The following MTHFD2L variants were observed in gnomAD, a reference collection of about 807,000 sequenced individuals.
The protein encoded by MTHFD2L is bifunctional methylenetetrahydrofolate dehydrogenase/cyclohydrolase 2, mitochondrial.
Under a neutral mutation model 34.9 loss-of-function variants are expected in MTHFD2L, and 29 were observed. That is an observed-to-expected ratio of 0.83 (90% CI 0.62 to 1.13). The LOEUF is 1.13. Among genes scored for constraint, MTHFD2L ranks in the 50% most tolerant of loss-of-function variants. The pLI is 0.00. For synonymous variants in MTHFD2L, 167 were observed against 155.7 expected, an observed-to-expected ratio of 1.07 and a Z score of -0.54; for missense variants, 481 against 446.5, an observed-to-expected ratio of 1.08 and a Z score of -0.70.
At chr4:74,227,997 C>G (rs1444978749) in intron 6 of MTHFD2L, among the ~76,000 whole-genome samples, 2 of 152,092 alleles carry the variant, frequency 1.3e-5, no homozygotes, top group Admixed American at 6.6e-5. Context: ...AGAACATATA[C>G]ATGACTGCAG....
intron 7 of MTHFD2L, among the ~76,000 whole-genome samples, chr4:74,295,145 C>T (rs1018779597): frequency 1.3e-5 from 2 of 152,094 alleles, no homozygotes; most frequent in African/African-American, 4.8e-5. Context: ...GCTACCATCA[C>T]CCAACCTCAG....
chr4:74,256,265 A>G (rs1324906767), intron 6 of MTHFD2L, among the ~76,000 whole-genome samples: 1 of 152,022 alleles, frequency 6.6e-6, no homozygotes, highest in Admixed American at 6.6e-5. Flanking sequence ...GCATGCCACC[A>G]CACCCAGCTA....
At chr4:74,120,128 G>A (rs1721728486), upstream of MTHFD2L, among the ~76,000 whole-genome samples, 1 of 152,228 alleles carries the variant, frequency 6.6e-6, no homozygotes, top group Non-Finnish European at 1.5e-5. Flanking sequence ...TTGGTGAAGA[G>A]TTGATTTTGC....
chr4:74,253,150 A>C (rs1560533053), intron 6 of MTHFD2L, among the ~76,000 whole-genome samples: 1 of 152,174 alleles, frequency 6.6e-6, no homozygotes, highest in Non-Finnish European at 1.5e-5. Context: ...AGAAATTTCC[A>C]GCTATATAAG....
chr4:74,131,310 C>A (rs1185781915), intron 1 of MTHFD2L, among the ~76,000 whole-genome samples: 1 of 152,178 alleles, frequency 6.6e-6, no homozygotes, highest in Non-Finnish European at 1.5e-5. Context: ...ATGCTGCAAG[C>A]ATCATGCTAC....
At chr4:74,233,106 A>T (rs1740328369) in intron 6 of MTHFD2L, among the ~76,000 whole-genome samples, 1 of 152,188 alleles carries the variant, frequency 6.6e-6, no homozygotes, top group South Asian at 2.1e-4. Flanking sequence ...CGTGTGTTTA[A>T]TATTAAAGCA....
Position 74,302,366 on chromosome 4 carries a change from C to G in MTHFD2L, c.*557C>G, listed in dbSNP as rs1324393107. 6.6e-6 allele frequency: 1 copy of G among 151,950 alleles called. No homozygotes were observed. Among genetic ancestry groups the G allele is most frequent in the Non-Finnish European group, 1.5e-5 (1 of 67,950 alleles). The allele number at this position is 151,950 out of a possible 1,614,324, so 9.4% of individuals were successfully genotyped here. A position where few individuals can be genotyped will look rare whatever the true frequency, so the allele number is the denominator to read the frequency against. On this transcript the variant is annotated 3_prime_UTR_variant, in exon 8 of 8. Coordinates refer to ENST00000325278, the MANE Select transcript of MTHFD2L (RefSeq NM_001144978.3). ...CCCCAAATGCATCCTATAAGTCCAT[C>G]CTAATGAGAAATGATGTTCTATTTA...
chr4:74,235,557 G>C (rs753130332), intron 6 of MTHFD2L, among the ~76,000 whole-genome samples: 3 of 152,054 alleles, frequency 2.0e-5, no homozygotes, highest in South Asian at 4.1e-4. Context: ...CTGTTCTGGA[G>C]TGATAATTTT....
chr4:74,212,264 T>C (rs1175260464), intron 5 of MTHFD2L, among the ~76,000 whole-genome samples: 3 of 152,200 alleles, frequency 2.0e-5, no homozygotes, highest in African/African-American at 7.2e-5. Context: ...GTTGCTTCTC[T>C]AGTTATTTTA....
chr4:74,132,258 T>A (rs1372891043), intron 1 of MTHFD2L, among the ~76,000 whole-genome samples: 1 of 152,200 alleles, frequency 6.6e-6, no homozygotes. Context: ...CAAAGGATTA[T>A]AAATCATTCT....
chr4:74,282,718 A>G (rs1293703608), intron 7 of MTHFD2L, among the ~76,000 whole-genome samples: 1 of 152,160 alleles, frequency 6.6e-6, no homozygotes, highest in Admixed American at 6.6e-5. Flanking sequence ...AGCAAAGTAC[A>G]GATGTACCGT....
chr4:74,181,540 C>G (rs544756796), intron 3 of MTHFD2L: 1 of 152,308 alleles, frequency 6.6e-6, no homozygotes, highest in East Asian at 1.9e-4. Context: ...ACCATAGTCA[C>G]AGTCCTACAG....
At position 74,199,731 on chromosome 4, in the gene MTHFD2L, C is replaced by T; in HGVS notation, c.452-63C>T. The T allele has an allele frequency of 4.9e-6, 7 of 1,416,388 alleles. 1 individual carries two copies. The Middle Eastern group carries it at 9.2e-4, about 186-fold the overall frequency. 87.7% of individuals were successfully genotyped at this position (1,416,388 alleles called of 1,614,324 possible). ...GATGTGGCTTTAGATTCTCAGATTT[C>T]ATTTTTCAGGCTACCAAATAAATAA... On this transcript the variant is annotated intron_variant, in intron 3 of 7. Transcript: ENST00000325278.
chr4:74,264,297 A>C (rs1560542258), intron 6 of MTHFD2L, among the ~76,000 whole-genome samples: 1 of 152,070 alleles, frequency 6.6e-6, no homozygotes, highest in Non-Finnish European at 1.5e-5. Context: ...TCTATTTAGA[A>C]AATCTAATGT....
chr4:74,245,018 C>A (rs1044970790), intron 6 of MTHFD2L, among the ~76,000 whole-genome samples: 5 of 151,792 alleles, frequency 3.3e-5, no homozygotes, highest in Non-Finnish European at 7.4e-5. Context: ...CACAGTGAAA[C>A]CCCGTCTCTA....
chr4:74,206,405 C>G (rs1484351351), intron 5 of MTHFD2L, among the ~76,000 whole-genome samples: 1 of 152,040 alleles, frequency 6.6e-6, no homozygotes, highest in Non-Finnish European at 1.5e-5. Context: ...GGCTGGGTCT[C>G]CAGACTTAGT....
rs540379110 is a variant in MTHFD2L, at chr4:74,302,064, A to G, written c.*255A>G. ...TTGTTTATTTTGAGGGTATTTGTTC[A>G]TAACATTAAAACAATAAAGGGCTCA... On this transcript the variant is annotated 3_prime_UTR_variant, in exon 8 of 8. Transcript: ENST00000325278. 7.0e-4 allele frequency: 212 copies of G among 301,830 alleles called. No individual in the cohort carries two copies. The highest frequency in any genetic ancestry group is 4.3e-3 in the African/African-American group (198 of 46,212). The allele number at this position is 301,830 out of a possible 1,614,324, so 18.7% of individuals were successfully genotyped here. A position where few individuals can be genotyped will look rare whatever the true frequency, so the allele number is the denominator to read the frequency against.
chr4:74,251,103 G>A (rs1743245544), intron 6 of MTHFD2L, among the ~76,000 whole-genome samples: 1 of 152,160 alleles, frequency 6.6e-6, no homozygotes, highest in South Asian at 2.1e-4. Context: ...TGAACTCTAA[G>A]ATCTAAGATG....
At chr4:74,124,478 G>A (rs1721937255), upstream of MTHFD2L, among the ~76,000 whole-genome samples, 1 of 150,830 alleles carries the variant, frequency 6.6e-6, no homozygotes, top group African/African-American at 2.4e-5. Flanking sequence ...ATAGTTTTAT[G>A]TATTTATATA....
Sources: gnomAD v4.1 joint callset for allele counts (sites outside exome capture counted in the v4.1 genomes callset) on GRCh38, gnomAD v4.1.1 for gene constraint, MANE v1.5 for transcripts, NCBI Gene and HGNC (gene_info 2026-07-23, HGNC 2026-07-21) for gene names.